CIITA: variants seen among roughly 807,000 people sequenced by gnomAD.
CIITA encodes the protein MHC class II transactivator.
In CIITA, 72 loss-of-function variants were observed where a neutral mutation model predicts 115.1. The ratio of observed to expected loss-of-function variants is 0.63; its 90% confidence interval spans 0.52 to 0.76. The LOEUF (loss-of-function observed/expected upper bound fraction) is 0.76. Ranked by LOEUF, CIITA falls within the 30% of genes least tolerant of loss-of-function variation. The probability of loss-of-function intolerance (pLI) is 0.00; values close to 1 mark genes in which losing one functional copy is unlikely to be tolerated. For missense variants in CIITA, 1,617 were observed against 1,463.8 expected, an observed-to-expected ratio of 1.10 and a Z score of -1.71; for synonymous variants, 763 against 635.6, an observed-to-expected ratio of 1.20 and a Z score of -3.02.
chr16:10,915,892 C>T (rs77072659), intron 14 of CIITA, among the ~76,000 whole-genome samples: 179 of 152,316 alleles, frequency 1.2e-3, no homozygotes, highest in Non-Finnish European at 2.2e-3. Flanking sequence ...TTCTCTCTTC[C>T]GCCTACTGCA....
In CIITA at chr16:10,907,302, C is replaced by G. The variant is rs1000792397; in HGVS notation, c.1810C>G (p.Leu604Val). 1 of 1,613,564 alleles carries G rather than the reference C, an allele frequency of 6.2e-7. No homozygotes were observed. Among genetic ancestry groups the G allele is most frequent in the Non-Finnish European group, 8.5e-7 (1 of 1,180,030 alleles). Reference protein sequence around the residue: ...ALTLLRDRPLLLSHSHSPTLC... With the variant: ...ALTLLRDRPLVLSHSHSPTLC... ...GACGCTCCTCCGGGACCGGCCACTT[C>G]TTCTCAGTCACAGCCACAGCCCTAC... Residue 604 changes from leucine (L) to valine (V), a missense_variant, in exon 11 of 20, where the codon CTT (leucine) becomes GTT (valine). Leu to Val is a conservative substitution (Grantham distance 32). Transcript: ENST00000324288. The surrounding 1 kb of genome is among the most constrained non-coding windows in gnomAD (Gnocchi z 5.0).
intron 1 of CIITA, among the ~76,000 whole-genome samples, chr16:10,868,708 C>A (rs2035266046): frequency 6.6e-6 from 1 of 152,166 alleles, no homozygotes; most frequent in South Asian, 2.1e-4. Flanking sequence ...CCTTCACTGC[C>A]GGACACTTCA....
chr16:10,895,394 C>G lies in CIITA; in HGVS notation c.165C>G (p.Asp55Glu). The change falls in exon 2 of 20, where the codon GAC becomes GAG. Residue 55 changes from aspartate to glutamate, a missense_variant. By Grantham distance (45) the Asp-to-Glu change is conservative. Coordinates refer to ENST00000324288, the MANE Select transcript of CIITA (RefSeq NM_000246.4). ...TCTACCACTTCTATGACCAGATGGA[C>G]CTGGCTGGAGAAGAAGAGATTGAGC... is the stretch of plus-strand genomic sequence containing the variant. Reference protein sequence around the residue: ...LCLYHFYDQMDLAGEEEIELY... With the variant: ...LCLYHFYDQMELAGEEEIELY... 6.2e-7 allele frequency: 1 copy of G among 1,613,962 alleles called. No individual in the cohort carries two copies. The highest frequency in any genetic ancestry group is 2.2e-5 in the East Asian group (1 of 44,888).
chr16:10,890,719 G>A (rs115413730), intron 1 of CIITA, among the ~76,000 whole-genome samples: 88 of 152,296 alleles, frequency 5.8e-4, no homozygotes, highest in African/African-American at 2.0e-3. Flanking sequence ...TCTCACAAAC[G>A]TAAGAAGCAA....
Position 10,923,115 on chromosome 16 carries a change from A to T in CIITA, c.3318-113A>T. Reference sequence around the variant, plus strand: ...CCGGTCGGTATCTTGCCAGGGGAAAAGTCCCCAACGTTCTAGGCTGGGTGG... The same window carrying T: ...CCGGTCGGTATCTTGCCAGGGGAAATGTCCCCAACGTTCTAGGCTGGGTGG... On this transcript the variant is annotated intron_variant, in intron 18 of 19. Transcript: ENST00000324288. This position sits in a 1 kb window ranked among gnomAD's most constrained non-coding sequence, Gnocchi z 5.2. 1 of 912,906 alleles carries T rather than the reference A, an allele frequency of 1.1e-6. No individual in the cohort carries two copies. The highest frequency in any genetic ancestry group is 1.8e-6 in the Non-Finnish European group (1 of 555,216). The allele number at this position is 912,906 out of a possible 1,614,324, so 56.6% of individuals were successfully genotyped here. A position where few individuals can be genotyped will look rare whatever the true frequency, so the allele number is the denominator to read the frequency against.
intron 1 of CIITA, among the ~76,000 whole-genome samples, chr16:10,881,897 C>T (rs2036470498): frequency 6.6e-6 from 1 of 152,220 alleles, no homozygotes; most frequent in Non-Finnish European, 1.5e-5. Context: ...CTACTCTAGA[C>T]ACCGCCTATA....
chr16:10,902,213 C>T, intron 7 of CIITA, 29 bp downstream of exon 7: 1 of 1,613,554 alleles, frequency 6.2e-7, no homozygotes, highest in Non-Finnish European at 8.5e-7. Context: ...AGAGAGTGGG[C>T]TTTCTCCCTC....
chr16:10,900,529 CA>C (rs1175938004), intron 5 of CIITA, among the ~76,000 whole-genome samples: 23 of 151,826 alleles, frequency 1.5e-4, no homozygotes, highest in Admixed American at 1.3e-3. Context: ...CACCTGAGGT[CA>C]AGAGTTTGAG....
chr16:10,868,895 C>T (rs2035281779), intron 1 of CIITA, among the ~76,000 whole-genome samples: 1 of 152,234 alleles, frequency 6.6e-6, no homozygotes, highest in Admixed American at 6.5e-5. Context: ...TTGCTCTTTT[C>T]CTGCTTTCTC....
In CIITA at chr16:10,935,832, T is replaced by C. The variant is rs1442883228; in HGVS notation, c.*11977T>C. Reference sequence around the variant, plus strand: ...GACAGTTTACAAAACACCAGCCTTGTACTCTGCTTAATATGTCAATGTCAC... The same window carrying C: ...GACAGTTTACAAAACACCAGCCTTGCACTCTGCTTAATATGTCAATGTCAC... On this transcript the variant is annotated 3_prime_UTR_variant, in exon 20 of 20. Transcript: ENST00000324288. 6.6e-6 allele frequency: 1 copy of C among 152,256 alleles called. No individual in the cohort carries two copies. Among genetic ancestry groups the C allele is most frequent in the Non-Finnish European group, 1.5e-5 (1 of 68,058 alleles). 9.4% of individuals were successfully genotyped at this position (152,256 alleles called of 1,614,324 possible).
At chr16:10,866,400 C>T (rs1461971345) in intron 1 of CIITA, 2 of 566,132 alleles carry the variant, frequency 3.5e-6, no homozygotes, top group African/African-American at 3.7e-5. Flanking sequence ...ACCTCCTCTC[C>T]AGGGAATACC....
At position 10,909,062 on chromosome 16, in the gene CIITA, GTCCCTGCAGCAGCATGGGGAGACCAAGC is replaced by G. The variant is rs745976552; in HGVS notation, c.2693_2720del (p.Ser898TyrfsTer19). On this transcript the variant is annotated frameshift_variant, in exon 12 of 20. Transcript: ENST00000324288. LOFTEE classifies it high-confidence loss of function. ...TGAGCGACACGGTGGCGCTGTGGGA[GTCCCTGCAGCAGCATGGGGAGACCAAGC>G]TACTTCAGGCAGCAGAGGAGAAGTT... 1 of 1,614,154 alleles carries G rather than the reference GTCCCTGCAGCAGCATGGGGAGACCAAGC, an allele frequency of 6.2e-7. No homozygotes were observed. Among genetic ancestry groups the G allele is most frequent in the South Asian group, 1.1e-5 (1 of 91,078 alleles).
chr16:10,895,531 C>T (rs2038039819), intron 2 of CIITA, 103 bp downstream of exon 2: 8 of 1,570,546 alleles, frequency 5.1e-6, no homozygotes, highest in Non-Finnish European at 6.1e-6. Context: ...CCCGTCAGCA[C>T]CACGGACAGC....
At position 10,929,287 on chromosome 16, in the gene CIITA, G is replaced by A. The variant is rs928690536; in HGVS notation, c.*5432G>A. On this transcript the variant is annotated 3_prime_UTR_variant, in exon 20 of 20. Coordinates refer to ENST00000324288, the MANE Select transcript of CIITA (RefSeq NM_000246.4). The surrounding 1 kb of genome is among the most constrained non-coding windows in gnomAD (Gnocchi z 4.3). ...AGTGTCCTCTCCGAAGGTGAAGTGG[G>A]GGAAGCAGGTGCGCTCCGGGATGAA... 2.0e-6 allele frequency: 2 copies of A among 985,826 alleles called. No homozygotes were observed. Among genetic ancestry groups the A allele is most frequent in the South Asian group, 4.7e-5 (1 of 21,296 alleles). 61.1% of individuals were successfully genotyped at this position (985,826 alleles called of 1,614,324 possible).
At chr16:10,908,899 T>C (rs1260244614) in intron 11 of CIITA, 130 bp from the exon 12 acceptor site, 3 of 1,353,252 alleles carry the variant, frequency 2.2e-6, no homozygotes, top group Non-Finnish European at 3.1e-6. Context: ...TGGAAGGCTT[T>C]CTGGGAAAGG....
intron 16 of CIITA, among the ~76,000 whole-genome samples, chr16:10,921,012 G>C (rs961437903): frequency 6.6e-6 from 1 of 152,194 alleles, no homozygotes; most frequent in Non-Finnish European, 1.5e-5. Flanking sequence ...GGGAGTATAG[G>C]CATGTGCCAT....
intron 15 of CIITA, among the ~76,000 whole-genome samples, chr16:10,917,362 C>T (rs754582172): frequency 1.3e-5 from 2 of 152,130 alleles, no homozygotes; most frequent in Non-Finnish European, 2.9e-5. Context: ...TTTGTAGAGA[C>T]GTGGTTTCAC....
rs1567440552 is a variant in CIITA at position 10,916,453 on chromosome 16, C to T, written c.3056C>T (p.Thr1019Ile). The T allele has an allele frequency of 6.2e-7, 1 of 1,611,598 alleles. No homozygotes were observed. Among genetic ancestry groups the T allele is most frequent in the Non-Finnish European group, 8.5e-7 (1 of 1,178,742 alleles). ...TTCCCCCAGCTGAAGTCCTTGGAAA[C>T]CCTCAAGTGAGTGAGCTGGGCCTGC... Reference protein sequence around the residue: ...ATFPQLKSLETLNLSQNNITD... With the variant: ...ATFPQLKSLEILNLSQNNITD... The change falls in exon 15 of 20, where the codon ACC (threonine) becomes ATC (isoleucine). Residue 1019 changes from threonine (T) to isoleucine (I), a missense_variant. Transcript: ENST00000324288.
At chr16:10,904,546 C>G (rs1423485843) in intron 9 of CIITA, among the ~76,000 whole-genome samples, 198 bp from the exon 10 acceptor site, 3 of 152,182 alleles carry the variant, frequency 2.0e-5, no homozygotes, top group African/African-American at 7.2e-5. Context: ...CTTTTTTAAA[C>G]ATGAGTGAAA....
Sources: allele counts gnomAD v4.1 joint callset (sites outside exome capture counted in the v4.1 genomes callset), GRCh38; gene constraint gnomAD v4.1.1; non-coding constraint Gnocchi (gnomAD v3.1); transcripts MANE v1.5; gene names NCBI Gene and HGNC (gene_info 2026-07-23, HGNC 2026-07-21).